VMP1: variants seen among roughly 807,000 people sequenced by gnomAD.
The protein encoded by VMP1 is vacuole membrane protein 1.
A neutral mutation model predicts 56.0 loss-of-function variants in VMP1; 11 were observed. That is an observed-to-expected ratio of 0.20 (90% CI 0.12 to 0.32). The LOEUF (loss-of-function observed/expected upper bound fraction) is 0.32. Ranked by LOEUF, VMP1 falls within the 10% of genes least tolerant of loss-of-function variation. The probability of loss-of-function intolerance (pLI) is 1.00; values close to 1 mark genes in which losing one functional copy is unlikely to be tolerated. For missense variants in VMP1, 296 were observed against 490.3 expected (o/e 0.60, Z 3.74); for synonymous variants, 149 against 165.0 (o/e 0.90, Z 0.74).
chr17:59,794,507 C>T lies in VMP1; in HGVS notation c.715-14289C>T, dbSNP rs183803172. On this transcript the variant is annotated intron_variant, in intron 7 of 11. Coordinates refer to ENST00000262291, the MANE Select transcript of VMP1 (RefSeq NM_030938.5). ...TGCTGGGATTACAGGTGTGAGCCCC[C>T]GCGCCCTGCATTTTTTTTTTTTTTT... Among the ~76,000 whole-genome samples the T allele has an allele frequency of 1.5e-4, 21 of 142,500 alleles. No homozygotes were observed. In the East Asian group the frequency reaches 3.5e-3, roughly 24 times the overall value. 93.5% of individuals were successfully genotyped at this position (142,500 alleles called of 152,430 possible). A position where few individuals can be genotyped will look rare whatever the true frequency, so the allele number is the denominator to read the frequency against.
chr17:59,753,889 A>G (rs2035744832), intron 5 of VMP1, among the ~76,000 whole-genome samples: 2 of 152,168 alleles, frequency 1.3e-5, no homozygotes, highest in African/African-American at 4.8e-5. Context: ...TTGGAAGTAG[A>G]AAAGTTGGGA....
intron 5 of VMP1, among the ~76,000 whole-genome samples, chr17:59,756,120 G>A (rs929054920): frequency 6.6e-6 from 1 of 152,148 alleles, no homozygotes; most frequent in African/African-American, 2.4e-5. Context: ...ACTTGTCAGT[G>A]CCCATTGGGA....
At chr17:59,791,874 C>T (rs1407065274) in intron 7 of VMP1, among the ~76,000 whole-genome samples, 1 of 152,140 alleles carries the variant, frequency 6.6e-6, no homozygotes, top group Non-Finnish European at 1.5e-5. Context: ...TTTCAGTTTA[C>T]TGTCATGAAT....
At chr17:59,781,939 C>T (rs550631017) in intron 7 of VMP1, among the ~76,000 whole-genome samples, 14 of 152,010 alleles carry the variant, frequency 9.2e-5, no homozygotes, top group Non-Finnish European at 1.9e-4. Flanking sequence ...GACAGAGTCT[C>T]GCTCTGTCGC....
At chr17:59,761,200 C>A (rs1234860250) in intron 5 of VMP1, among the ~76,000 whole-genome samples, 1 of 152,196 alleles carries the variant, frequency 6.6e-6, no homozygotes, top group Non-Finnish European at 1.5e-5. Flanking sequence ...CGCACCCAGC[C>A]CATGTGTTTT....
At chr17:59,837,193 A>G (rs1445754105) in intron 10 of VMP1, among the ~76,000 whole-genome samples, 1 of 151,272 alleles carries the variant, frequency 6.6e-6, no homozygotes, top group Non-Finnish European at 1.5e-5. Context: ...ACAGAGTGAG[A>G]CTCTGTCTCA....
Position 59,755,819 on chromosome 17 carries a change from A to G in VMP1, c.415-9152A>G, listed in dbSNP as rs148786014. ...AGTGGCATGATCATAGCTCACTGCAACCTTGAACTCCTGGGCTCGAGTGGT... is the reference window on the plus strand; with the variant it reads ...AGTGGCATGATCATAGCTCACTGCAGCCTTGAACTCCTGGGCTCGAGTGGT... On this transcript the variant is annotated intron_variant, in intron 5 of 11. Transcript: ENST00000262291. Among the ~76,000 whole-genome samples the G allele has an allele frequency of 5.6e-3, 840 of 150,938 alleles. 8 individuals are homozygous for G. Among genetic ancestry groups the G allele is most frequent in the African/African-American group, 0.02 (804 of 40,996 alleles).
intron 1 of VMP1, among the ~76,000 whole-genome samples, chr17:59,720,320 C>T (rs2034342676): frequency 6.6e-6 from 1 of 152,104 alleles, no homozygotes; most frequent in Admixed American, 6.6e-5. Flanking sequence ...ACCCTTTTAC[C>T]TCATAATAAT....
chr17:59,726,067 T>C (rs1470945510), intron 1 of VMP1, among the ~76,000 whole-genome samples: 1 of 152,188 alleles, frequency 6.6e-6, no homozygotes, highest in African/African-American at 2.4e-5. Context: ...AAGGCAAACC[T>C]TTTTGTGCCC....
intron 1 of VMP1, among the ~76,000 whole-genome samples, chr17:59,710,743 A>G (rs531059987): frequency 6.3e-4 from 96 of 152,300 alleles, no homozygotes; most frequent in Non-Finnish European, 1.2e-3. Flanking sequence ...AGGAGCCTTA[A>G]CACGTGTCTA....
intron 10 of VMP1, among the ~76,000 whole-genome samples, chr17:59,820,711 T>C (rs1449485785): frequency 2.0e-5 from 3 of 152,198 alleles, no homozygotes; most frequent in Non-Finnish European, 4.4e-5. Context: ...AGGCAAAGAT[T>C]GTGTCTATTT....
chr17:59,773,105 G>T (rs922264330), intron 6 of VMP1, among the ~76,000 whole-genome samples: 4 of 151,710 alleles, frequency 2.6e-5, no homozygotes, highest in African/African-American at 9.7e-5. Context: ...GGGACTGCAA[G>T]TGCGTGCCAC....
rs959020230 is a variant in VMP1 at position 59,840,602 on chromosome 17, G to A, written c.*691G>A. The A allele has an allele frequency of 6.6e-6, 1 of 152,492 alleles. No homozygotes were observed. Among genetic ancestry groups the A allele is most frequent in the African/African-American group, 2.4e-5 (1 of 41,404 alleles). The allele number at this position is 152,492 out of a possible 1,614,324, so 9.4% of individuals were successfully genotyped here. Reference sequence around the variant, plus strand: ...CTTTAATCATTCCAAAATTGTGTCCGTTTTCTTGAGCGTTTTGATTTTTTA... The same window carrying A: ...CTTTAATCATTCCAAAATTGTGTCCATTTTCTTGAGCGTTTTGATTTTTTA... On this transcript the variant is annotated 3_prime_UTR_variant, in exon 12 of 12. Transcript: ENST00000262291.
At chr17:59,758,426 C>T (rs958666307) in intron 5 of VMP1, among the ~76,000 whole-genome samples, 2 of 152,176 alleles carry the variant, frequency 1.3e-5, no homozygotes, top group African/African-American at 4.8e-5. Context: ...TGGTGGCTCA[C>T]CTCTAATCCC....
At chr17:59,713,195 C>T (rs967821743) in intron 1 of VMP1, among the ~76,000 whole-genome samples, 1 of 149,624 alleles carries the variant, frequency 6.7e-6, no homozygotes, top group Non-Finnish European at 1.5e-5. Flanking sequence ...TTTTGAGACA[C>T]TTAAAGAATC....
At chr17:59,829,215 TC>T (rs34385574) in intron 10 of VMP1, among the ~76,000 whole-genome samples, 64,223 of 152,116 alleles carry the variant, frequency 0.42, 15,483 homozygotes, top group Non-Finnish European at 0.54. Flanking sequence ...GATAACTAGA[TC>T]CTTTTTTACT....
intron 1 of VMP1, among the ~76,000 whole-genome samples, chr17:59,711,814 AGTTT>A (rs1042280423): frequency 3.9e-5 from 6 of 152,150 alleles, no homozygotes; most frequent in African/African-American, 1.2e-4. Flanking sequence ...ATTGCTCAAG[AGTTT>A]GTTTGTATTC....
chr17:59,786,084 T>C (rs959915434), intron 7 of VMP1, among the ~76,000 whole-genome samples: 2 of 152,212 alleles, frequency 1.3e-5, no homozygotes, highest in Non-Finnish European at 2.9e-5. Context: ...ATTATTTTAC[T>C]AGTGAAAATA....
At chr17:59,727,781 C>T (rs1455933725) in intron 1 of VMP1, among the ~76,000 whole-genome samples, 1 of 152,212 alleles carries the variant, frequency 6.6e-6, no homozygotes, top group Admixed American at 6.5e-5. Flanking sequence ...GTCACACATG[C>T]ATGCGTATCA....
Sources: allele counts gnomAD v4.1 joint callset (sites outside exome capture counted in the v4.1 genomes callset), GRCh38; gene constraint gnomAD v4.1.1; transcripts MANE v1.5; gene names NCBI Gene and HGNC (gene_info 2026-07-23, HGNC 2026-07-21).